The following WWOX variants were observed in gnomAD, a reference collection of about 807,000 sequenced individuals.
WWOX encodes WW domain containing oxidoreductase.
Under a neutral mutation model 46.2 loss-of-function variants are expected in WWOX, and 69 were observed. The ratio of observed to expected loss-of-function variants is 1.49; its 90% CI spans 1.23 to 1.82. The LOEUF is 1.82. Ranked by LOEUF, WWOX falls within the 40% of genes most tolerant of loss-of-function variation. The pLI, the probability that WWOX is intolerant of heterozygous loss-of-function variation, is 0.00. For missense variants in WWOX, 919 were observed against 542.6 expected, an observed-to-expected ratio of 1.69 and a Z score of -6.89; for synonymous variants, 359 against 202.6, an observed-to-expected ratio of 1.77 and a Z score of -6.56.
intron 4 of WWOX, among the ~76,000 whole-genome samples, chr16:78,144,304 A>T (rs973699475): frequency 6.7e-6 from 1 of 150,028 alleles, no homozygotes; most frequent in Non-Finnish European, 1.5e-5. Flanking sequence ...TTAGGTTTCC[A>T]TGGGAGAATC....
intron 8 of WWOX, among the ~76,000 whole-genome samples, chr16:78,926,383 A>AG (rs1328245883): frequency 6.6e-6 from 1 of 152,124 alleles, no homozygotes; most frequent in African/African-American, 2.4e-5. Context: ...AAAAAAAAAA[A>AG]AAAAGTTCCT....
intron 8 of WWOX, among the ~76,000 whole-genome samples, chr16:78,477,408 G>A (rs990722797): frequency 8.6e-5 from 13 of 151,772 alleles, no homozygotes; most frequent in African/African-American, 3.1e-4. Flanking sequence ...TTTTTTAAGT[G>A]TTACTGTGTA....
chr16:78,158,398 T>C (rs963001398), intron 4 of WWOX, among the ~76,000 whole-genome samples: 10 of 152,198 alleles, frequency 6.6e-5, no homozygotes, highest in Non-Finnish European at 1.0e-4. Flanking sequence ...CAAAATATGG[T>C]ATTTTTTAGT....
chr16:79,183,945 C>T (rs2050963139), intron 8 of WWOX, among the ~76,000 whole-genome samples: 3 of 152,198 alleles, frequency 2.0e-5, no homozygotes, highest in African/African-American at 7.2e-5. Context: ...CAGAAGAAAA[C>T]ACGCTTTGGT....
chr16:78,926,822 G>T (rs2045509335), intron 8 of WWOX, among the ~76,000 whole-genome samples: 1 of 151,948 alleles, frequency 6.6e-6, no homozygotes, highest in South Asian at 2.1e-4. Flanking sequence ...TTTGAGAAGG[G>T]GTCTCACTCT....
chr16:78,122,991 G>C (rs2033171901), intron 4 of WWOX, among the ~76,000 whole-genome samples: 1 of 152,044 alleles, frequency 6.6e-6, no homozygotes, highest in Non-Finnish European at 1.5e-5. Flanking sequence ...GTTGCCCTTT[G>C]ATATAATTAA....
intron 5 of WWOX, among the ~76,000 whole-genome samples, chr16:78,196,792 G>T (rs1015599044): frequency 6.6e-6 from 1 of 152,162 alleles, no homozygotes; most frequent in Non-Finnish European, 1.5e-5. Flanking sequence ...TGTAAAATCA[G>T]CAGGTAGCAA....
intron 8 of WWOX, among the ~76,000 whole-genome samples, chr16:78,631,712 G>C (rs557333406): frequency 4.6e-5 from 7 of 151,972 alleles, no homozygotes; most frequent in African/African-American, 1.4e-4. Flanking sequence ...TTTTTGTAGG[G>C]ACAGGGTTTC....
rs78735071 is a variant in WWOX, at chr16:79,168,932, A to G, written c.1057-42676A>G. Among the ~76,000 whole-genome samples the G allele has an allele frequency of 5.9e-3, 895 of 152,350 alleles. 5 individuals carry two copies. Among genetic ancestry groups the G allele is most frequent in the East Asian group, 0.031 (162 of 5,186 alleles). ...CTTTAGAAAGTTAAAGGTTTTCCTT[A>G]TACAAACTATCTCACTTTGAAAACT... On this transcript the variant is annotated intron_variant, in intron 8 of 8. Coordinates refer to ENST00000566780, the MANE Select transcript of WWOX (RefSeq NM_016373.4).
chr16:78,856,395 C>A (rs1000536579), intron 8 of WWOX, among the ~76,000 whole-genome samples: 3 of 152,168 alleles, frequency 2.0e-5, no homozygotes, highest in Non-Finnish European at 4.4e-5. Context: ...GTAATCGCAG[C>A]ACTTTGGTTG....
chr16:79,068,738 G>T (rs1332962020), intron 8 of WWOX, among the ~76,000 whole-genome samples: 1 of 151,650 alleles, frequency 6.6e-6, no homozygotes. Context: ...TCGAGCCCAG[G>T]AGGCCAAGGC....
intron 8 of WWOX, among the ~76,000 whole-genome samples, chr16:79,144,390 C>T (rs2050146943): frequency 6.6e-6 from 1 of 152,224 alleles, no homozygotes; most frequent in African/African-American, 2.4e-5. Flanking sequence ...GAATGCCCAG[C>T]ACTTCTCAGG....
At chr16:78,315,473 AC>A (rs971858640) in intron 5 of WWOX, among the ~76,000 whole-genome samples, 4 of 151,908 alleles carry the variant, frequency 2.6e-5, no homozygotes, top group Admixed American at 1.3e-4. Context: ...ACATGGTGAG[AC>A]CCCCATCTCT....
At chr16:79,162,322 T>C (rs1041126253) in intron 8 of WWOX, among the ~76,000 whole-genome samples, 3 of 152,220 alleles carry the variant, frequency 2.0e-5, no homozygotes, top group Non-Finnish European at 4.4e-5. Context: ...AAGTACAGTT[T>C]CCTGCCTTGC....
At chr16:78,394,880 C>G (rs1001632011) in intron 6 of WWOX, among the ~76,000 whole-genome samples, 1 of 152,204 alleles carries the variant, frequency 6.6e-6, no homozygotes, top group South Asian at 2.1e-4. Context: ...GGTCAACTGA[C>G]GCTTCCAGCT....
chr16:78,183,310 A>G (rs4888757), intron 5 of WWOX, among the ~76,000 whole-genome samples: 22,387 of 152,246 alleles, frequency 0.15, 2,000 homozygotes, highest in Non-Finnish European at 0.2. Flanking sequence ...ATTATGGCCC[A>G]AGCTCAAGAA....
At chr16:78,991,142 T>A (rs1041396332) in intron 8 of WWOX, among the ~76,000 whole-genome samples, 22 of 152,326 alleles carry the variant, frequency 1.4e-4, no homozygotes, top group African/African-American at 4.3e-4. Context: ...TACTAAGTCA[T>A]TGATGGCACA....
chr16:79,019,445 C>A (rs1260674801), intron 8 of WWOX, among the ~76,000 whole-genome samples: 1 of 151,966 alleles, frequency 6.6e-6, no homozygotes, highest in African/African-American at 2.4e-5. Flanking sequence ...GTGTATATCT[C>A]AACATATCTA....
intron 8 of WWOX, among the ~76,000 whole-genome samples, chr16:78,444,504 G>C (rs1003219581): frequency 2.0e-5 from 3 of 151,754 alleles, no homozygotes; most frequent in African/African-American, 7.3e-5. Context: ...ATTATAGGAA[G>C]GATACAGTTA....
Sources: allele counts gnomAD v4.1 joint callset (sites outside exome capture counted in the v4.1 genomes callset), GRCh38; gene constraint gnomAD v4.1.1; transcripts MANE v1.5; gene names NCBI Gene and HGNC (gene_info 2026-07-23, HGNC 2026-07-21).